MOV10L1: variants seen among roughly 807,000 people sequenced by gnomAD.
MOV10L1 encodes the protein RNA helicase Mov10l1.
MOV10L1 carries 110 observed loss-of-function variants against 143.8 expected under a neutral mutation model. The ratio of observed to expected loss-of-function variants is 0.76; its 90% CI spans 0.66 to 0.90. The LOEUF (loss-of-function observed/expected upper bound fraction) is 0.90, where lower values mean the gene tolerates loss of function less well. Ranked by LOEUF, MOV10L1 falls within the 40% of genes least tolerant of loss-of-function variation. The pLI is 0.00. For synonymous variants in MOV10L1, 593 were observed against 581.1 expected (o/e 1.02, Z -0.29); for missense variants, 1,406 against 1,526.8 (o/e 0.92, Z 1.32).
intron 3 of MOV10L1, among the ~76,000 whole-genome samples, chr22:50,105,725 A>C (rs2061849555): frequency 1.3e-5 from 2 of 152,264 alleles, no homozygotes. Flanking sequence ...GTTGATTTAC[A>C]GAACGGTTCC....
chr22:50,098,667 C>G (rs1488095942), intron 2 of MOV10L1, among the ~76,000 whole-genome samples: 1 of 152,188 alleles, frequency 6.6e-6, no homozygotes, highest in African/African-American at 2.4e-5. Context: ...GAGTTTTCCA[C>G]AGATGAGATC....
In MOV10L1 at chr22:50,090,332, C is replaced by G. The variant is rs1211138285; in HGVS notation, c.97+147C>G. On this transcript the variant is annotated intron_variant, in intron 1 of 26. Coordinates refer to ENST00000262794, the MANE Select transcript of MOV10L1 (RefSeq NM_018995.3). The stretch of plus-strand genomic sequence containing the variant: ...TCCTCATCTCCGCTGGCGGGGATCC[C>G]CGTTCGCCTCAGGAGGCTTCCGACC... The G allele has an allele frequency of 2.6e-5, 38 of 1,482,414 alleles. No homozygotes were observed. The East Asian group carries it at 8.9e-4, about 35-fold the overall frequency. The allele number at this position is 1,482,414 out of a possible 1,614,324, so 91.8% of individuals were successfully genotyped here. A position where few individuals can be genotyped will look rare whatever the true frequency, so the allele number is the denominator to read the frequency against.
At chr22:50,142,931 C>A in intron 16 of MOV10L1, 112 bp from the exon 17 acceptor site, 1 of 937,546 alleles carries the variant, frequency 1.1e-6, no homozygotes, top group Non-Finnish European at 1.6e-6. Context: ...CTGTCTGTGA[C>A]TCTGATTTAG....
intron 12 of MOV10L1, among the ~76,000 whole-genome samples, chr22:50,127,858 C>T (rs141724817): frequency 0.014 from 2,189 of 152,030 alleles, 30 homozygotes; most frequent in East Asian, 0.044. Context: ...CTGCAACCTC[C>T]GCTTCCCAGG....
At position 50,144,257 on chromosome 22, in the gene MOV10L1, G is replaced by A. The variant is rs750896929; in HGVS notation, c.2505+14G>A. On this transcript the variant is annotated intron_variant, in intron 18 of 26. Transcript: ENST00000262794. ...AGGTTCGAGGAGGTGAGCCCTTGGT[G>A]CAAGCAGTGGGGGGCACCAGAACCC... 1.1e-5 allele frequency: 18 copies of A among 1,587,230 alleles called. No individual in the cohort carries two copies. Among genetic ancestry groups the A allele is most frequent in the Non-Finnish European group, 1.5e-5 (18 of 1,161,340 alleles).
In MOV10L1 at chr22:50,153,079, A is replaced by T; in HGVS notation, c.2927A>T (p.Glu976Val). ...CTGGTGAAGAACTACCGGTCCCACGAGGCCCTGCTGATGCTGCCCTCACGG... is the reference window on the plus strand; with the variant it reads ...CTGGTGAAGAACTACCGGTCCCACGTGGCCCTGCTGATGCTGCCCTCACGG... ...TKLVKNYRSH[E>V]ALLMLPSRLF... Residue 976 changes from glutamate (E) to valine (V), a missense_variant, in exon 22 of 27, where the codon GAG (glutamate) becomes GTG (valine). Glu to Val is a moderately radical substitution (Grantham distance 121). This residue lies in a region of MOV10L1 where 1,233 missense variants were observed against 1,351.4 expected (regional missense o/e 0.91). Coordinates refer to ENST00000262794, the MANE Select transcript of MOV10L1 (RefSeq NM_018995.3). 6.2e-7 allele frequency: 1 copy of T among 1,611,904 alleles called. No individual in the cohort carries two copies. The highest frequency in any genetic ancestry group is 8.5e-7 in the Non-Finnish European group (1 of 1,178,218).
intron 7 of MOV10L1, 109 bp downstream of exon 7, chr22:50,114,731 A>C: frequency 1.3e-6 from 2 of 1,482,122 alleles, no homozygotes; most frequent in South Asian, 2.6e-5. Context: ...CCCGGCAGCT[A>C]CAGTGCTTTG....
In MOV10L1 at chr22:50,159,640, A is replaced by G; in HGVS notation, c.3217-38A>G. The G allele has an allele frequency of 7.9e-7, 1 of 1,269,568 alleles. No individual in the cohort carries two copies. The highest frequency in any genetic ancestry group is 1.1e-6 in the Non-Finnish European group (1 of 888,770). 78.6% of individuals were successfully genotyped at this position (1,269,568 alleles called of 1,614,324 possible). A position where few individuals can be genotyped will look rare whatever the true frequency, so the allele number is the denominator to read the frequency against. On this transcript the variant is annotated intron_variant, in intron 23 of 26. Coordinates refer to ENST00000262794, the MANE Select transcript of MOV10L1 (RefSeq NM_018995.3). The surrounding 1 kb of genome is among the most constrained non-coding windows in gnomAD (Gnocchi z 4.1). ...GAAAAGAAAAGAAATGGATTTGTACAGTGTTATCTTTAGTCTTTCTTTTAA... is the reference window on the plus strand; with the variant it reads ...GAAAAGAAAAGAAATGGATTTGTACGGTGTTATCTTTAGTCTTTCTTTTAA...
At chr22:50,092,235 G>A (rs1490186494) in intron 2 of MOV10L1, 50 bp downstream of exon 2, 12 of 1,541,810 alleles carry the variant, frequency 7.8e-6, no homozygotes, top group Non-Finnish European at 9.8e-6. Context: ...ACGGGACTTT[G>A]TGTTGTTTTT....
At position 50,161,504 on chromosome 22, in the gene MOV10L1, TAC is replaced by T. The variant is rs1569059729; in HGVS notation, c.*57_*58del. ...GTGCTCAGCCTGGCCACGTTGCCGTTACAGTCTGCTCCGTGGCTCCTGTGGCC... is the reference window on the plus strand; with the variant it reads ...GTGCTCAGCCTGGCCACGTTGCCGTTAGTCTGCTCCGTGGCTCCTGTGGCC... On this transcript the variant is annotated 3_prime_UTR_variant, in exon 27 of 27. Transcript: ENST00000262794. 6.6e-7 allele frequency: 1 copy of T among 1,511,112 alleles called. No individual in the cohort carries two copies. The highest frequency in any genetic ancestry group is 1.2e-5 in the South Asian group (1 of 81,654). The allele number at this position is 1,511,112 out of a possible 1,614,324, so 93.6% of individuals were successfully genotyped here.
rs1016433176 is a variant in MOV10L1 at position 50,146,632 on chromosome 22, C to T, written c.2627+822C>T. On this transcript the variant is annotated intron_variant, in intron 19 of 26. Transcript: ENST00000262794. ...ACAGGTCGCTCTGAACAGTGTCCAG[C>T]GTCACAGTGGTCGTGACCCTCCCTG... 4.6e-5 allele frequency among the ~76,000 whole-genome samples: 7 copies of T among 152,152 alleles called. No homozygotes were observed. In the South Asian group the frequency reaches 1.0e-3, roughly 23 times the overall value.
chr22:50,122,723 TTTTCTTTCTTTC>T (rs149625408), intron 10 of MOV10L1, among the ~76,000 whole-genome samples: 6 of 150,236 alleles, frequency 4.0e-5, no homozygotes, highest in South Asian at 2.1e-4. Flanking sequence ...GAGGTGATGG[TTTTCTTTCTTTC>T]TTTCTTTCTT....
chr22:50,146,903 A>G, intron 19 of MOV10L1: 1 of 662,354 alleles, frequency 1.5e-6, no homozygotes, highest in East Asian at 2.8e-5. Flanking sequence ...AGTCTTCAAA[A>G]TCCACCATGT....
chr22:50,109,691 A>T (rs985986189), intron 5 of MOV10L1: 3 of 223,438 alleles, frequency 1.3e-5, no homozygotes, highest in African/African-American at 7.2e-5. Context: ...AAAAAAAAAA[A>T]ATTAGCCGAG....
intron 10 of MOV10L1, among the ~76,000 whole-genome samples, chr22:50,124,225 G>GT (rs1475313263): frequency 1.3e-5 from 2 of 152,102 alleles, no homozygotes; most frequent in Non-Finnish European, 2.9e-5. Context: ...ATGGGAATCA[G>GT]TGCTCATAGT....
chr22:50,147,846 A>C (rs2063193886), intron 19 of MOV10L1, among the ~76,000 whole-genome samples: 1 of 152,266 alleles, frequency 6.6e-6, no homozygotes, highest in South Asian at 2.1e-4. Context: ...GCTGATTTCC[A>C]CATCTTTCAC....
intron 1 of MOV10L1, 75 bp downstream of exon 1, chr22:50,090,260 G>T: frequency 1.4e-6 from 2 of 1,429,840 alleles, no homozygotes; most frequent in Non-Finnish European, 1.8e-6. Flanking sequence ...GCGCCCATAG[G>T]TCTTTGAGTG....
chr22:50,142,051 TAAAACA>T, intron 15 of MOV10L1, 24 bp from the exon 16 acceptor site: 1 of 1,595,034 alleles, frequency 6.3e-7, no homozygotes, highest in African/African-American at 1.3e-5. Context: ...GCTGTTTTTT[TAAAACA>T]TTTTTCTGCC....
At position 50,099,464 on chromosome 22, in the gene MOV10L1, T is replaced by C. The variant is rs1427126146; in HGVS notation, c.304T>C (p.Trp102Arg). 3 of 1,613,950 alleles carry C rather than the reference T, an allele frequency of 1.9e-6. No homozygotes were observed. The highest frequency in any genetic ancestry group is 2.7e-5 in the African/African-American group (2 of 74,910). ...ACAGGTAGAAGCTGTCTCTGATAAG[T>C]GGGAAGACGACAGCAGAAACCATGG... Reference protein sequence around the residue: ...AIRVEAVSDKWEDDSRNHGSP... With the variant: ...AIRVEAVSDKREDDSRNHGSP... Residue 102 changes from tryptophan (W) to arginine (R), a missense_variant, in exon 3 of 27, where the codon TGG (tryptophan) becomes CGG (arginine). By Grantham distance (101) the Trp-to-Arg change is moderately radical (BLOSUM62 -3). Coordinates refer to ENST00000262794, the MANE Select transcript of MOV10L1 (RefSeq NM_018995.3).
Sources: gnomAD v4.1 joint callset for allele counts (sites outside exome capture counted in the v4.1 genomes callset) on GRCh38, gnomAD v4.1.1 for gene constraint, gnomAD v4.1.1 regional missense constraint, Gnocchi (gnomAD v3.1) non-coding constraint, MANE v1.5 for transcripts, NCBI Gene and HGNC (gene_info 2026-07-23, HGNC 2026-07-21) for gene names.